The following ETFB variants were observed in gnomAD, a reference collection of about 807,000 sequenced individuals.
ETFB encodes electron transfer flavoprotein subunit beta.
Under a neutral mutation model 25.6 loss-of-function variants are expected in ETFB, and 20 were observed. The ratio of observed to expected loss-of-function variants is 0.78; its 90% confidence interval spans 0.55 to 1.14. ETFB has a LOEUF of 1.14. Among genes scored for constraint, ETFB ranks in the 50% most tolerant of loss-of-function variants. The pLI is 0.00. For synonymous variants in ETFB, 142 were observed against 146.7 expected (o/e 0.97, Z 0.23); for missense variants, 286 against 342.6 (o/e 0.83, Z 1.30).
chr19:51,361,495 G>C (rs990763318), intron 1 of ETFB, among the ~76,000 whole-genome samples: 1 of 152,162 alleles, frequency 6.6e-6, no homozygotes, highest in African/African-American at 2.4e-5. Context: ...GCCTTGCTGA[G>C]AGCAGGAGGG....
intron 1 of ETFB, among the ~76,000 whole-genome samples, chr19:51,362,309 G>A (rs1018358286): frequency 6.6e-6 from 1 of 152,122 alleles, no homozygotes; most frequent in African/African-American, 2.4e-5. Flanking sequence ...TGGTCACAGT[G>A]GCTCACACCT....
At chr19:51,354,366 C>A (rs202006668) in intron 1 of ETFB, 58 bp from the exon 2 acceptor site, 5 of 1,612,154 alleles carry the variant, frequency 3.1e-6, no homozygotes, top group Non-Finnish European at 4.2e-6. Context: ...AAGGTGGGGG[C>A]CTCAGCGCCA....
Position 51,345,582 on chromosome 19 carries a change from G to A in ETFB, c.598-201C>T, listed in dbSNP as rs147950616. On this transcript the variant is annotated intron_variant, in intron 5 of 5. Transcript: ENST00000309244. ...CCTGCTGGCTAGGAGGCCCTGGGAG[G>A]CCCAACTACTGCAGCAGTCCTCCTT... 160 of 616,308 alleles carry A rather than the reference G, an allele frequency of 2.6e-4. No individual in the cohort carries two copies. In the African/African-American group the frequency reaches 2.8e-3, roughly 11 times the overall value. The allele number at this position is 616,308 out of a possible 1,614,324, so 38.2% of individuals were successfully genotyped here.
At chr19:51,347,108 G>T in intron 4 of ETFB, 50 bp from the exon 5 acceptor site, 1 of 1,595,576 alleles carries the variant, frequency 6.3e-7, no homozygotes, top group South Asian at 1.1e-5. Flanking sequence ...ATTCAGGTCC[G>T]ACCCGAGCAG....
At chr19:51,349,464 T>TTTG (rs1985876728) in intron 4 of ETFB, among the ~76,000 whole-genome samples, 1 of 151,174 alleles carries the variant, frequency 6.6e-6, no homozygotes, top group Non-Finnish European at 1.5e-5. Flanking sequence ...TTTTTTTCTT[T>TTTG]TGAGACAGGG....
At chr19:51,347,238 T>C (rs1411927147) in intron 4 of ETFB, 180 bp from the exon 5 acceptor site, 2 of 637,202 alleles carry the variant, frequency 3.1e-6, no homozygotes, top group Non-Finnish European at 5.6e-6. Context: ...TCTTTTTCCT[T>C]TCCCTGAGAG....
intron 1 of ETFB, among the ~76,000 whole-genome samples, chr19:51,362,736 C>G (rs1213721680): frequency 1.3e-5 from 2 of 152,276 alleles, no homozygotes; most frequent in East Asian, 1.9e-4. Context: ...GGTCACACAG[C>G]AGGAAGTGGA....
At chr19:51,352,225 G>A (rs1027684881) in intron 3 of ETFB, among the ~76,000 whole-genome samples, 3 of 151,986 alleles carry the variant, frequency 2.0e-5, no homozygotes, top group Non-Finnish European at 4.4e-5. Flanking sequence ...AGCCCAGGGG[G>A]GCTCTTTCTG....
chr19:51,345,710 G>T, intron 5 of ETFB: 1 of 421,996 alleles, frequency 2.4e-6, no homozygotes, highest in Non-Finnish European at 4.5e-6. Context: ...ATGGCATGCT[G>T]AAGGCTCCCA....
intron 2 of ETFB, 102 bp from the exon 3 acceptor site, chr19:51,353,392 A>G (rs1985979741): frequency 2.1e-6 from 2 of 959,044 alleles, no homozygotes; most frequent in African/African-American, 4.0e-5. Context: ...CCAGGGCCCC[A>G]TCCCCTCCTT....
chr19:51,360,159 T>C (rs1289507109), intron 1 of ETFB, among the ~76,000 whole-genome samples: 3 of 151,982 alleles, frequency 2.0e-5, no homozygotes, highest in African/African-American at 7.3e-5. Context: ...CCCAGCACTT[T>C]GTGGGGCTGA....
chr19:51,358,515 A>G (rs191176332), intron 1 of ETFB, among the ~76,000 whole-genome samples: 7 of 151,842 alleles, frequency 4.6e-5, no homozygotes, highest in Admixed American at 2.0e-4. Flanking sequence ...AAAAACAAAA[A>G]CAGCTGGGCG....
At chr19:51,355,787 T>A (rs2123594619) in intron 1 of ETFB, 1 of 151,958 alleles carries the variant, frequency 6.6e-6, no homozygotes, top group East Asian at 1.9e-4. Context: ...TTCATGTCCT[T>A]TGTAGGGACA....
intron 1 of ETFB, chr19:51,354,870 T>G: frequency 2.0e-6 from 1 of 500,160 alleles, no homozygotes; most frequent in Non-Finnish European, 3.6e-6. Flanking sequence ...CCAGGAAAAG[T>G]TCCCTCCCCT....
At chr19:51,349,116 A>G (rs1985868048) in intron 4 of ETFB, among the ~76,000 whole-genome samples, 1 of 152,150 alleles carries the variant, frequency 6.6e-6, no homozygotes, top group South Asian at 2.1e-4. Flanking sequence ...TTTATTATAA[A>G]ATGTGCTTTA....
intron 5 of ETFB, 97 bp from the exon 6 acceptor site, chr19:51,345,478 A>T: frequency 7.9e-7 from 1 of 1,262,648 alleles, no homozygotes; most frequent in Non-Finnish European, 1.1e-6. Context: ...GACCAGTCCC[A>T]TGGGCTGAAC....
At position 51,366,328 on chromosome 19, in the gene ETFB, T is replaced by C. The variant is rs1396869131; in HGVS notation, c.-2A>G. The C allele has an allele frequency of 1.2e-6, 2 of 1,609,502 alleles. No individual in the cohort carries two copies. Among genetic ancestry groups the C allele is most frequent in the East Asian group, 2.2e-5 (1 of 44,754 alleles). On this transcript the variant is annotated 5_prime_UTR_variant, in exon 1 of 6. Transcript: ENST00000309244. Reference sequence around the variant, plus strand: ...TACGAGCACGCGCAGCTCCGCCATCTTCCCGCCGCAGCCACTTACAGGGTC... The same window carrying C: ...TACGAGCACGCGCAGCTCCGCCATCCTCCCGCCGCAGCCACTTACAGGGTC...
At chr19:51,357,152 C>A (rs943421556) in intron 1 of ETFB, 4 of 151,384 alleles carry the variant, frequency 2.6e-5, no homozygotes. Context: ...CGGCTCACTG[C>A]AACCTCTGCC....
chr19:51,366,151 TG>T lies in ETFB; in HGVS notation c.57+118del, dbSNP rs1986358974. ...TTTGCCCTCAGGTGACTTTGACGTT[TG>T]GGGGTTAAAGCGGCAGAGGTCGGGG... On this transcript the variant is annotated intron_variant, in intron 1 of 5. Coordinates refer to ENST00000309244, the MANE Select transcript of ETFB (RefSeq NM_001985.3). 1.8e-5 allele frequency: 18 copies of T among 1,006,258 alleles called. No homozygotes were observed. In the South Asian group the frequency reaches 2.4e-4, roughly 13 times the overall value. 62.3% of individuals were successfully genotyped at this position (1,006,258 alleles called of 1,614,324 possible).
Sources: gnomAD v4.1 joint callset for allele counts (sites outside exome capture counted in the v4.1 genomes callset) on GRCh38, gnomAD v4.1.1 for gene constraint, MANE v1.5 for transcripts, NCBI Gene and HGNC (gene_info 2026-07-23, HGNC 2026-07-21) for gene names.